NFU1: variants seen among roughly 807,000 people sequenced by gnomAD.
The protein encoded by NFU1 is NFU1 iron-sulfur cluster scaffold.
In NFU1, 30 loss-of-function variants were observed where a neutral mutation model predicts 32.2. The ratio of observed to expected loss-of-function variants is 0.93; its 90% CI spans 0.70 to 1.26. The LOEUF is 1.26. Among genes scored for constraint, NFU1 ranks in the 50% most tolerant of loss-of-function variants. The pLI is 0.00. For missense variants in NFU1, 306 were observed against 306.6 expected, an observed-to-expected ratio of 1.00 and a Z score of 0.02; for synonymous variants, 112 against 104.6, an observed-to-expected ratio of 1.07 and a Z score of -0.43.
At chr2:69,423,286 GTGTA>G (rs1280500088) in intron 3 of NFU1, among the ~76,000 whole-genome samples, 18 of 98,098 alleles carry the variant, frequency 1.8e-4, no homozygotes, top group East Asian at 7.8e-4. Flanking sequence ...GTGTGTGTGT[GTGTA>G]TGTGTGTGTG....
In NFU1 at chr2:69,398,546, CT is replaced by C. The variant is rs373927421; in HGVS notation, c.720+1817del. Among the ~76,000 whole-genome samples the C allele has an allele frequency of 4.7e-3, 720 of 152,346 alleles. 9 individuals are homozygous for C. The highest frequency in any genetic ancestry group is 0.012 in the Admixed American group (180 of 15,304). On this transcript the variant is annotated intron_variant, in intron 7 of 7. Transcript: ENST00000410022. ...AAACAAACACATACTTAGCATAAAT[CT>C]TGCCCTTAAGCAAATTATAGGCTAT...
At chr2:69,403,226 GT>G (rs1357551193) in intron 6 of NFU1, among the ~76,000 whole-genome samples, 1 of 151,862 alleles carries the variant, frequency 6.6e-6, no homozygotes, top group Non-Finnish European at 1.5e-5. Context: ...TTGTTTTTTT[GT>G]TTTTTCACAT....
chr2:69,438,310 GA>G (rs1165731725), upstream of NFU1, among the ~76,000 whole-genome samples: 3 of 151,868 alleles, frequency 2.0e-5, no homozygotes, highest in Middle Eastern at 3.4e-3. Context: ...TGGAGAGCAG[GA>G]GTGCGATCAT....
In NFU1 at chr2:69,437,348, G is replaced by A; in HGVS notation, c.62+13C>T. 6.2e-7 allele frequency: 1 copy of A among 1,604,872 alleles called. No homozygotes were observed. Among genetic ancestry groups the A allele is most frequent in the African/African-American group, 1.3e-5 (1 of 74,998 alleles). On this transcript the variant is annotated intron_variant, in intron 1 of 7. Coordinates refer to ENST00000410022, the MANE Select transcript of NFU1 (RefSeq NM_001002755.4). ...GCGGCACACCTATTCGGAGCTCCAG[G>A]CTCGTCACCTACCGCCTGCGCAGCC... is the stretch of plus-strand genomic sequence containing the variant.
chr2:69,422,705 C>G (rs775875909), intron 3 of NFU1, among the ~76,000 whole-genome samples: 10 of 151,920 alleles, frequency 6.6e-5, no homozygotes, highest in Non-Finnish European at 1.3e-4. Flanking sequence ...AATATCAACT[C>G]TCATTTTTCT....
intron 7 of NFU1, among the ~76,000 whole-genome samples, chr2:69,396,799 G>A (rs780921869): frequency 1.3e-5 from 2 of 152,050 alleles, no homozygotes; most frequent in South Asian, 2.1e-4. Context: ...GGGGCCAGGC[G>A]CGGTGGCTCA....
At chr2:69,396,611 C>T (rs1019207174) in intron 7 of NFU1, among the ~76,000 whole-genome samples, 4 of 151,452 alleles carry the variant, frequency 2.6e-5, no homozygotes, top group African/African-American at 9.7e-5. Flanking sequence ...CGAGATCGCG[C>T]CACTGCACTC....
chr2:69,405,280 C>A (rs546659776), intron 6 of NFU1, among the ~76,000 whole-genome samples: 3 of 152,262 alleles, frequency 2.0e-5, no homozygotes, highest in African/African-American at 7.2e-5. Context: ...CTTAACTTCC[C>A]TGCTCTCTAG....
At chr2:69,397,816 A>T (rs1046574001) in intron 7 of NFU1, among the ~76,000 whole-genome samples, 2 of 151,794 alleles carry the variant, frequency 1.3e-5, no homozygotes, top group African/African-American at 2.4e-5. Context: ...TGGGAAGCTA[A>T]GGCAGGAGAA....
chr2:69,405,520 T>C (rs1200410537), intron 6 of NFU1, among the ~76,000 whole-genome samples: 5 of 152,206 alleles, frequency 3.3e-5, no homozygotes, highest in African/African-American at 1.2e-4. Context: ...TTTTGCTTGC[T>C]CTGGCAGCTA....
At chr2:69,399,548 T>C (rs1007784130) in intron 7 of NFU1, among the ~76,000 whole-genome samples, 4 of 151,596 alleles carry the variant, frequency 2.6e-5, no homozygotes, top group African/African-American at 7.3e-5. Flanking sequence ...TCCCAGCATT[T>C]TGGGAGGATC....
chr2:69,426,288 A>G (rs1673451775), intron 2 of NFU1, among the ~76,000 whole-genome samples: 2 of 151,062 alleles, frequency 1.3e-5, no homozygotes. Context: ...ACATCTTTAC[A>G]GACTCTTCTT....
At chr2:69,407,347 T>C (rs1216314438) in intron 5 of NFU1, among the ~76,000 whole-genome samples, 1 of 152,196 alleles carries the variant, frequency 6.6e-6, no homozygotes, top group East Asian at 1.9e-4. Flanking sequence ...CACTAGATTC[T>C]GGCAACCCCT....
rs772105664 is a variant in NFU1 at position 69,423,243 on chromosome 2, A to AGTGTGT, written c.302+333_302+338dup. Among the ~76,000 whole-genome samples, 365 of 88,020 alleles carry AGTGTGT rather than the reference A, an allele frequency of 4.1e-3. 6 individuals carry two copies. Among genetic ancestry groups the AGTGTGT allele is most frequent in the East Asian group, 8.3e-3 (19 of 2,298 alleles). The allele number at this position is 88,020 out of a possible 152,430, so 57.7% of individuals were successfully genotyped here. On this transcript the variant is annotated intron_variant, in intron 3 of 7. Coordinates refer to ENST00000410022, the MANE Select transcript of NFU1 (RefSeq NM_001002755.4). ...CGGGTAGAGATGGGCTCTCTGTGTG[A>AGTGTGT]GTGTGTGTGTGTGTGTGTGTGTGTG... is the stretch of plus-strand genomic sequence containing the variant.
At chr2:69,439,562 G>C (rs892447510), upstream of NFU1, among the ~76,000 whole-genome samples, 3 of 152,196 alleles carry the variant, frequency 2.0e-5, no homozygotes, top group African/African-American at 7.2e-5. Context: ...ACCCAAGCAG[G>C]TTGCCACTGC....
At chr2:69,426,191 T>G (rs1673448426) in intron 2 of NFU1, among the ~76,000 whole-genome samples, 2 of 151,952 alleles carry the variant, frequency 1.3e-5, no homozygotes, top group Middle Eastern at 3.4e-3. Context: ...AGGCTGGTCT[T>G]GAACTCCTGG....
At chr2:69,429,488 G>A (rs1443192172) in intron 2 of NFU1, among the ~76,000 whole-genome samples, 4 of 151,810 alleles carry the variant, frequency 2.6e-5, no homozygotes, top group African/African-American at 9.7e-5. Flanking sequence ...TTGAGCCCAG[G>A]CAGTAGAAAA....
Position 69,396,176 on chromosome 2 carries a change from TTAA to T in NFU1, c.*67_*69del, listed in dbSNP as rs1250945299. The T allele has an allele frequency of 1.7e-5, 20 of 1,197,402 alleles. No homozygotes were observed. The African/African-American group carries it at 2.7e-4, about 16-fold the overall frequency. 74.2% of individuals were successfully genotyped at this position (1,197,402 alleles called of 1,614,324 possible). On this transcript the variant is annotated 3_prime_UTR_variant, in exon 8 of 8. Coordinates refer to ENST00000410022, the MANE Select transcript of NFU1 (RefSeq NM_001002755.4). The stretch of plus-strand genomic sequence containing the variant: ...ATTAATCTTCAAGTTCCTCAGCATA[TTAA>T]TAATAAAAACTTGATATATATTATC...
At chr2:69,432,035 T>C (rs777509270) in intron 1 of NFU1, 30 bp from the exon 2 acceptor site, 3 of 1,409,494 alleles carry the variant, frequency 2.1e-6, no homozygotes, top group Non-Finnish European at 3.0e-6. Flanking sequence ...ATGAATGACA[T>C]TTTAAGAGCT....
Sources: gnomAD v4.1 joint callset for allele counts (sites outside exome capture counted in the v4.1 genomes callset) on GRCh38, gnomAD v4.1.1 for gene constraint, MANE v1.5 for transcripts, NCBI Gene and HGNC (gene_info 2026-07-23, HGNC 2026-07-21) for gene names.